The following GANC variants were observed in gnomAD, a reference collection of about 807,000 sequenced individuals.
GANC encodes the protein neutral alpha-glucosidase C.
In GANC, 117 loss-of-function variants were observed where a neutral mutation model predicts 124.2. That is an observed-to-expected ratio of 0.94 (90% confidence interval 0.81 to 1.10). The LOEUF (loss-of-function observed/expected upper bound fraction) is 1.10, where lower values mean the gene tolerates loss of function less well. Among genes scored for constraint, GANC ranks in the 50% least tolerant of loss-of-function variants. The pLI, the probability that GANC is intolerant of heterozygous loss-of-function variation, is 0.00. For missense variants in GANC, 1,140 were observed against 1,095.0 expected, an observed-to-expected ratio of 1.04 and a Z score of -0.58; for synonymous variants, 377 against 376.8, an observed-to-expected ratio of 1.00 and a Z score of -0.01.
intron 4 of GANC, 82 bp downstream of exon 4, chr15:42,287,900 C>A: frequency 6.9e-7 from 1 of 1,439,486 alleles, no homozygotes; most frequent in Non-Finnish European, 9.4e-7. Flanking sequence ...TTGTTATGTG[C>A]ACTTCTTATT....
chr15:42,349,299 CTGT>C, intron 21 of GANC, 81 bp from the exon 22 acceptor site: 1 of 844,582 alleles, frequency 1.2e-6, no homozygotes, highest in South Asian at 1.5e-5. Context: ...ACTTTTTACT[CTGT>C]TGTTACCCTT....
chr15:42,351,507 C>A, intron 23 of GANC, 75 bp downstream of exon 23: 1 of 1,031,808 alleles, frequency 9.7e-7, no homozygotes, highest in Non-Finnish European at 1.5e-6. Context: ...TGATTAGTCC[C>A]CAAACGGAGA....
chr15:42,299,638 G>A (rs529526016), intron 6 of GANC, among the ~76,000 whole-genome samples: 69 of 152,214 alleles, frequency 4.5e-4, no homozygotes, highest in African/African-American at 1.5e-3. Flanking sequence ...AGAAGATCCC[G>A]TATAGCCAAG....
At chr15:42,282,274 T>C (rs1269999168) in intron 3 of GANC, among the ~76,000 whole-genome samples, 1 of 152,150 alleles carries the variant, frequency 6.6e-6, no homozygotes, top group Non-Finnish European at 1.5e-5. Context: ...TGAGCCAAGA[T>C]TGTGCCGCTG....
chr15:42,337,365 A>G (rs972735902), intron 15 of GANC, among the ~76,000 whole-genome samples: 5 of 152,130 alleles, frequency 3.3e-5, no homozygotes, highest in African/African-American at 9.7e-5. Context: ...CTTTTTTATT[A>G]AATTTATTTT....
At chr15:42,311,641 G>A (rs1433442379) in intron 10 of GANC, among the ~76,000 whole-genome samples, 4 of 152,060 alleles carry the variant, frequency 2.6e-5, no homozygotes, top group East Asian at 3.9e-4. Context: ...TTACCTGGTC[G>A]GAGCAGGAGG....
chr15:42,305,469 G>A (rs1019209003), intron 6 of GANC, among the ~76,000 whole-genome samples: 1 of 152,222 alleles, frequency 6.6e-6, no homozygotes, highest in Admixed American at 6.5e-5. Flanking sequence ...AGAGGATGTG[G>A]AGAAATATGA....
In GANC at chr15:42,352,930, C is replaced by G. The variant is rs1446427966; in HGVS notation, c.*791C>G. 1.4e-5 allele frequency: 7 copies of G among 493,674 alleles called. No homozygotes were observed. The highest frequency in any genetic ancestry group is 1.8e-5 in the Non-Finnish European group (7 of 380,960). 30.6% of individuals were successfully genotyped at this position (493,674 alleles called of 1,614,324 possible). A position where few individuals can be genotyped will look rare whatever the true frequency, so the allele number is the denominator to read the frequency against. The stretch of plus-strand genomic sequence containing the variant: ...AGGATGAGGCAAGGGAGACCCTGGC[C>G]TTGGGCACAAAATGTAAGGGATGCC... On this transcript the variant is annotated 3_prime_UTR_variant, in exon 24 of 24. Coordinates refer to ENST00000318010, the MANE Select transcript of GANC (RefSeq NM_198141.3).
rs148997197 is a variant in GANC, at chr15:42,287,279, C to T, written c.202-412C>T. Among the ~76,000 whole-genome samples the T allele has an allele frequency of 4.2e-4, 64 of 152,316 alleles. 2 individuals carry two copies. The East Asian group carries it at 0.012, about 28-fold the overall frequency. On this transcript the variant is annotated intron_variant, in intron 3 of 23. Transcript: ENST00000318010. Reference sequence around the variant, plus strand: ...CTGCCACCCTTCATCTTTCATCCAGCTGGAATCTAGTTACTCTGCTTTTAA... The same window carrying T: ...CTGCCACCCTTCATCTTTCATCCAGTTGGAATCTAGTTACTCTGCTTTTAA...
intron 22 of GANC, among the ~76,000 whole-genome samples, chr15:42,349,805 T>C (rs2412705): frequency 0.26 from 38,522 of 150,818 alleles, 6,695 homozygotes; most frequent in African/African-American, 0.49. Context: ...TGCACCAACA[T>C]ACCCGGCTAA....
rs750449356 is a variant in GANC, at chr15:42,276,299, T to C, written c.30-49T>C. On this transcript the variant is annotated intron_variant, in intron 1 of 23. Transcript: ENST00000318010. ...CGTTAGAGAAGGTACAAAAGTTGGA[T>C]TCACAAGCCCTGTGTGAAATAAATT... The C allele has an allele frequency of 3.3e-6, 3 of 908,780 alleles. No individual in the cohort carries two copies. The Admixed American group carries it at 5.7e-5, about 17-fold the overall frequency. 56.3% of individuals were successfully genotyped at this position (908,780 alleles called of 1,614,324 possible).
At chr15:42,303,611 A>G (rs554340197) in intron 6 of GANC, among the ~76,000 whole-genome samples, 2 of 150,850 alleles carry the variant, frequency 1.3e-5, no homozygotes, top group East Asian at 2.0e-4. Flanking sequence ...CAGGAGACCC[A>G]TCTCACGTGC....
intron 6 of GANC, among the ~76,000 whole-genome samples, chr15:42,303,822 GCA>G (rs2051969630): frequency 6.6e-6 from 1 of 152,092 alleles, no homozygotes; most frequent in Admixed American, 6.5e-5. Context: ...AAATATATAT[GCA>G]CCCAATACAG....
chr15:42,333,568 C>T (rs898248657), intron 15 of GANC, among the ~76,000 whole-genome samples: 4 of 152,154 alleles, frequency 2.6e-5, no homozygotes, highest in African/African-American at 9.7e-5. Context: ...CTGGCTTAGG[C>T]ATCAGAGTGC....
At chr15:42,337,101 A>G (rs918788858) in intron 15 of GANC, among the ~76,000 whole-genome samples, 2 of 152,188 alleles carry the variant, frequency 1.3e-5, no homozygotes, top group Non-Finnish European at 2.9e-5. Flanking sequence ...TAAAAACAGA[A>G]CTACCATTTG....
Position 42,274,310 on chromosome 15 carries a change from G to C in GANC, c.-172G>C. 1 of 675,318 alleles carries C rather than the reference G, an allele frequency of 1.5e-6. No homozygotes were observed. The highest frequency in any genetic ancestry group is 2.5e-6 in the Non-Finnish European group (1 of 393,376). 41.8% of individuals were successfully genotyped at this position (675,318 alleles called of 1,614,324 possible). Reference sequence around the variant, plus strand: ...AGTTTGGGCCTGAAAAATTCCAGGAGCAAGAGTCAAGATTTGTCACTCCAT... The same window carrying C: ...AGTTTGGGCCTGAAAAATTCCAGGACCAAGAGTCAAGATTTGTCACTCCAT... On this transcript the variant is annotated 5_prime_UTR_variant, in exon 1 of 24. Transcript: ENST00000318010.
In GANC at chr15:42,274,239, C is replaced by T. The variant is rs2051626691; in HGVS notation, c.-243C>T. 5.9e-6 allele frequency: 3 copies of T among 509,170 alleles called. No homozygotes were observed. Among genetic ancestry groups the T allele is most frequent in the Non-Finnish European group, 7.0e-6 (2 of 285,144 alleles). 31.5% of individuals were successfully genotyped at this position (509,170 alleles called of 1,614,324 possible). A position where few individuals can be genotyped will look rare whatever the true frequency, so the allele number is the denominator to read the frequency against. ...ACAAAAGCACGTTCCTCATCAGCCA[C>T]CCATAATCAAGACAAATTTGCCAAA... On this transcript the variant is annotated 5_prime_UTR_variant, in exon 1 of 24. Transcript: ENST00000318010.
chr15:42,332,619 G>A (rs113583521), intron 15 of GANC, among the ~76,000 whole-genome samples: 9,131 of 152,244 alleles, frequency 0.06, 388 homozygotes, highest in South Asian at 0.16. Flanking sequence ...TGATGAGAAT[G>A]TCTCCATACG....
At chr15:42,312,622 A>G (rs1430040700) in intron 10 of GANC, among the ~76,000 whole-genome samples, 2 of 152,180 alleles carry the variant, frequency 1.3e-5, no homozygotes, top group Non-Finnish European at 1.5e-5. Flanking sequence ...TTTCAAACTT[A>G]CTTCAAAGCT....
Sources: gnomAD v4.1 joint callset for allele counts (sites outside exome capture counted in the v4.1 genomes callset) on GRCh38, gnomAD v4.1.1 for gene constraint, MANE v1.5 for transcripts, NCBI Gene and HGNC (gene_info 2026-07-23, HGNC 2026-07-21) for gene names.